SCN1A: variants seen among roughly 807,000 people sequenced by gnomAD.
SCN1A encodes the protein sodium voltage-gated channel alpha subunit 1.
A neutral mutation model predicts 193.7 loss-of-function variants in SCN1A; 13 were observed. That is an observed-to-expected ratio of 0.07 (90% CI 0.04 to 0.11). The LOEUF (loss-of-function observed/expected upper bound fraction) is 0.11, where lower values mean the gene tolerates loss of function less well. Ranked by LOEUF, SCN1A falls within the 10% of genes least tolerant of loss-of-function variation. SCN1A has a pLI of 1.00. For synonymous variants in SCN1A, 781 were observed against 843.6 expected (o/e 0.93, Z 1.29); for missense variants, 1,432 against 2,451.1 (o/e 0.58, Z 8.78).
intron 19 of SCN1A, 91 bp downstream of exon 19, chr2:166,035,957 T>G: frequency 7.4e-7 from 1 of 1,352,130 alleles, no homozygotes; most frequent in East Asian, 2.3e-5. Flanking sequence ...AAATCTTAAG[T>G]CAAAACATCA....
intron 4 of SCN1A, among the ~76,000 whole-genome samples, chr2:166,063,110 G>T (rs1050604834): frequency 7.2e-5 from 11 of 151,980 alleles, no homozygotes; most frequent in Non-Finnish European, 1.3e-4. Context: ...CTTAATATTT[G>T]TCCTTCAGTT....
intron 1 of SCN1A, among the ~76,000 whole-genome samples, chr2:166,144,733 A>C (rs1446010263): frequency 1.3e-5 from 2 of 152,124 alleles, no homozygotes; most frequent in African/African-American, 4.8e-5. Flanking sequence ...TTTGTAGGAT[A>C]GTGGAACGAG....
At chr2:166,124,371 A>C (rs1018501252) in intron 2 of SCN1A, among the ~76,000 whole-genome samples, 2 of 151,906 alleles carry the variant, frequency 1.3e-5, no homozygotes, top group Admixed American at 6.6e-5. Flanking sequence ...CAACATAGTG[A>C]AACCCCATCT....
chr2:166,136,126 T>C (rs1691845360), intron 1 of SCN1A, among the ~76,000 whole-genome samples: 1 of 152,208 alleles, frequency 6.6e-6, no homozygotes, highest in South Asian at 2.1e-4. Context: ...CACTAGGTCT[T>C]TTTGAAAGTC....
chr2:166,145,264 C>T (rs1298262334), intron 1 of SCN1A, among the ~76,000 whole-genome samples: 1 of 148,656 alleles, frequency 6.7e-6, no homozygotes. Context: ...GTCTCGATCT[C>T]CTGACCTCGT....
chr2:166,140,455 A>G (rs923692602), intron 1 of SCN1A, among the ~76,000 whole-genome samples: 15 of 152,008 alleles, frequency 9.9e-5, no homozygotes, highest in Admixed American at 5.9e-4. Flanking sequence ...AGGGGGCAGC[A>G]TGTGGCAGGG....
intron 2 of SCN1A, among the ~76,000 whole-genome samples, chr2:166,111,346 T>TA (rs1689272098): frequency 6.6e-6 from 1 of 152,020 alleles, no homozygotes; most frequent in Admixed American, 6.6e-5. Flanking sequence ...GCCTGTGCTC[T>TA]ATAAGTAGAA....
intron 23 of SCN1A, among the ~76,000 whole-genome samples, chr2:166,004,382 C>T (rs937733322): frequency 6.6e-6 from 1 of 151,478 alleles, no homozygotes; most frequent in East Asian, 1.9e-4. Context: ...CACTGATTAT[C>T]TATACCTATT....
In SCN1A at chr2:166,050,635, ATATG is replaced by A. The variant is rs1234782714; in HGVS notation, c.964+1080_964+1083del. ...AAAGTATATATATATATATATATATATATGTGTGTATATATTTTTTTTTTGTAGA... is the reference window on the plus strand; with the variant it reads ...AAAGTATATATATATATATATATATATGTGTATATATTTTTTTTTTGTAGA... On this transcript the variant is annotated intron_variant, in intron 9 of 28. Coordinates refer to ENST00000674923, the MANE Select transcript of SCN1A (RefSeq NM_001165963.4). Among the ~76,000 whole-genome samples the A allele has an allele frequency of 1.8e-3, 150 of 83,196 alleles. 6 individuals are homozygous for A. The highest frequency in any genetic ancestry group is 4.5e-3 in the African/African-American group (86 of 19,080). The allele number at this position is 83,196 out of a possible 152,430, so 54.6% of individuals were successfully genotyped here.
In SCN1A at chr2:165,988,746, C is replaced by T. The variant is rs1234244939; in HGVS notation, c.*2499G>A. ...TGGGACACACAGAATGATGCAGAAG[C>T]AGAGAGAGTGGCTCTGGAGGAGCAA... On this transcript the variant is annotated 3_prime_UTR_variant, in exon 29 of 29. Coordinates refer to ENST00000674923, the MANE Select transcript of SCN1A (RefSeq NM_001165963.4). The T allele has an allele frequency of 6.6e-6, 1 of 152,152 alleles. No individual in the cohort carries two copies. The highest frequency in any genetic ancestry group is 2.1e-4 in the South Asian group (1 of 4,832). The allele number at this position is 152,152 out of a possible 1,614,324, so 9.4% of individuals were successfully genotyped here.
At chr2:166,097,885 T>C (rs1449961871) in intron 2 of SCN1A, among the ~76,000 whole-genome samples, 4 of 152,214 alleles carry the variant, frequency 2.6e-5, no homozygotes, top group African/African-American at 4.8e-5. Context: ...CTAGCCTCTA[T>C]TTGAAGTTGT....
At position 166,119,580 on chromosome 2, in the gene SCN1A, G is replaced by T. The variant is rs549411892; in HGVS notation, c.-142+7344C>A. Among the ~76,000 whole-genome samples the T allele has an allele frequency of 3.9e-5, 6 of 152,156 alleles. No individual in the cohort carries two copies. In the South Asian group the frequency reaches 1.2e-3, roughly 32 times the overall value. On this transcript the variant is annotated intron_variant, in intron 2 of 28. Coordinates refer to ENST00000674923, the MANE Select transcript of SCN1A (RefSeq NM_001165963.4). ...ATATAAGATAAATTTCTTAAAATTC[G>T]TGCTGAGTTCTAAAGAGAAAACTTA...
rs542980224 is a variant in SCN1A at position 166,088,221 on chromosome 2, T to G, written c.-141-10420A>C. Among the ~76,000 whole-genome samples the G allele has an allele frequency of 5.9e-5, 9 of 152,268 alleles. No homozygotes were observed. The South Asian group carries it at 1.2e-3, about 21-fold the overall frequency. The stretch of plus-strand genomic sequence containing the variant: ...CAGAGTGATTTTTCTCTAATCTAGA[T>G]GTACATTAAAATGTGCATCTCATTT... On this transcript the variant is annotated intron_variant, in intron 2 of 28. Coordinates refer to ENST00000674923, the MANE Select transcript of SCN1A (RefSeq NM_001165963.4).
intron 2 of SCN1A, among the ~76,000 whole-genome samples, chr2:166,124,554 CAACA>C (rs377255864): frequency 0.028 from 4,242 of 152,066 alleles, 77 homozygotes; most frequent in Middle Eastern, 0.078. Flanking sequence ...CTCAAAAAAA[CAACA>C]AACAAACAAA....
intron 1 of SCN1A, among the ~76,000 whole-genome samples, chr2:166,127,309 C>T (rs1031185878): frequency 6.6e-6 from 1 of 152,186 alleles, no homozygotes; most frequent in Non-Finnish European, 1.5e-5. Flanking sequence ...CAGCAGCAGC[C>T]CCGCTGCCTT....
chr2:165,990,747 C>T lies in SCN1A; in HGVS notation c.*498G>A, dbSNP rs1355977450. 1.2e-5 allele frequency: 2 copies of T among 160,916 alleles called. No individual in the cohort carries two copies. The highest frequency in any genetic ancestry group is 4.8e-5 in the African/African-American group (2 of 41,442). 10.0% of individuals were successfully genotyped at this position (160,916 alleles called of 1,614,324 possible). A position where few individuals can be genotyped will look rare whatever the true frequency, so the allele number is the denominator to read the frequency against. ...TTGCCATACCCCCCAGGTGGCATAC[C>T]TGTTATAGAGGTCCTTAGCCTATTT... On this transcript the variant is annotated 3_prime_UTR_variant, in exon 29 of 29. Coordinates refer to ENST00000674923, the MANE Select transcript of SCN1A (RefSeq NM_001165963.4).
chr2:166,038,290 A>G (rs1174215595), intron 17 of SCN1A, among the ~76,000 whole-genome samples, 158 bp from the exon 18 acceptor site: 1 of 152,120 alleles, frequency 6.6e-6, no homozygotes, highest in African/African-American at 2.4e-5. Flanking sequence ...TCCCTAGGAA[A>G]AGCTGGATTT....
At chr2:166,133,512 A>G (rs933227926) in intron 1 of SCN1A, among the ~76,000 whole-genome samples, 3 of 152,202 alleles carry the variant, frequency 2.0e-5, no homozygotes, top group African/African-American at 7.2e-5. Context: ...TGAGTATTAA[A>G]TCACAAAATT....
intron 1 of SCN1A, among the ~76,000 whole-genome samples, chr2:166,142,984 T>A (rs1306676527): frequency 1.3e-5 from 2 of 152,328 alleles, no homozygotes; most frequent in African/African-American, 4.8e-5. Flanking sequence ...CATGTGGAAC[T>A]GTGAGTCCAT....
Sources: allele counts gnomAD v4.1 joint callset (sites outside exome capture counted in the v4.1 genomes callset), GRCh38; gene constraint gnomAD v4.1.1; transcripts MANE v1.5; gene names NCBI Gene and HGNC (gene_info 2026-07-23, HGNC 2026-07-21).